B3GLCT: variants seen among roughly 807,000 people sequenced by gnomAD.
B3GLCT encodes beta 3-glucosyltransferase, also known as beta-1,3-glucosyltransferase.
Under a neutral mutation model 63.4 loss-of-function variants are expected in B3GLCT, and 65 were observed. The observed-to-expected ratio is 1.03, with a 90% CI of 0.84 to 1.26. The LOEUF (loss-of-function observed/expected upper bound fraction) is 1.26. Among genes scored for constraint, B3GLCT ranks in the 50% most tolerant of loss-of-function variants. The pLI is 0.00. For synonymous variants in B3GLCT, 233 were observed against 219.2 expected (o/e 1.06, Z -0.55); for missense variants, 577 against 604.8 (o/e 0.95, Z 0.48).
intron 6 of B3GLCT, among the ~76,000 whole-genome samples, chr13:31,256,395 G>A (rs1163246251): frequency 6.6e-6 from 1 of 151,674 alleles, no homozygotes; most frequent in Non-Finnish European, 1.5e-5. Flanking sequence ...CTAGAAATAC[G>A]ATTTGACCCA....
At chr13:31,279,070 T>G (rs971617500) in intron 10 of B3GLCT, among the ~76,000 whole-genome samples, 1 of 152,180 alleles carries the variant, frequency 6.6e-6, no homozygotes, top group African/African-American at 2.4e-5. Context: ...ATAAATAGTC[T>G]TTGCTATTCA....
At chr13:31,262,456 A>AGAGGAGTGAAGACAAGAAG (rs1872085845) in intron 7 of B3GLCT, among the ~76,000 whole-genome samples, 1 of 152,234 alleles carries the variant, frequency 6.6e-6, no homozygotes, top group African/African-American at 2.4e-5. Flanking sequence ...TCAAGGAGGA[A>AGAGGAGTGAAGACAAGAAG]GAGGAGTGAA....
rs144996534 is a variant in B3GLCT at position 31,259,396 on chromosome 13, G to T, written c.460-1550G>T. Among the ~76,000 whole-genome samples, 13 of 152,032 alleles carry T rather than the reference G, an allele frequency of 8.6e-5. No homozygotes were observed. The East Asian group carries it at 2.5e-3, about 30-fold the overall frequency. Reference sequence around the variant, plus strand: ...TCTTCTGGGTTGTAGATGTTGTTTGGGTACGTCTATTCATAGACTGCCCTT... The same window carrying T: ...TCTTCTGGGTTGTAGATGTTGTTTGTGTACGTCTATTCATAGACTGCCCTT... On this transcript the variant is annotated intron_variant, in intron 6 of 14. Coordinates refer to ENST00000343307, the MANE Select transcript of B3GLCT (RefSeq NM_194318.4).
At chr13:31,240,835 T>C (rs1043248511) in intron 4 of B3GLCT, among the ~76,000 whole-genome samples, 3 of 152,242 alleles carry the variant, frequency 2.0e-5, no homozygotes, top group Non-Finnish European at 4.4e-5. Context: ...ATTGCATTGC[T>C]GTTGAATGCA....
At chr13:31,213,640 A>C in intron 1 of B3GLCT, among the ~76,000 whole-genome samples, 6 of 21,710 alleles carry the variant, frequency 2.8e-4, no homozygotes, top group Admixed American at 7.6e-4. Flanking sequence ...CCCCGCCAAA[A>C]CTCACTATAA....
chr13:31,296,405 G>C (rs1593304399), intron 12 of B3GLCT, among the ~76,000 whole-genome samples: 1 of 152,218 alleles, frequency 6.6e-6, no homozygotes, highest in Admixed American at 6.5e-5. Flanking sequence ...CTGACTTCTT[G>C]TATCTTCAAA....
chr13:31,298,022 A>AT (rs1346126449), intron 12 of B3GLCT, among the ~76,000 whole-genome samples: 1 of 152,132 alleles, frequency 6.6e-6, no homozygotes, highest in Admixed American at 6.5e-5. Flanking sequence ...GCCACGATTG[A>AT]TTAAACCATT....
chr13:31,261,869 C>G (rs1872047757), intron 7 of B3GLCT, among the ~76,000 whole-genome samples: 1 of 152,202 alleles, frequency 6.6e-6, no homozygotes, highest in Admixed American at 6.5e-5. Flanking sequence ...AACTTCTTGA[C>G]TACTCCTTTC....
chr13:31,238,559 C>G (rs746488563), intron 4 of B3GLCT, among the ~76,000 whole-genome samples: 2 of 152,160 alleles, frequency 1.3e-5, no homozygotes, highest in African/African-American at 2.4e-5. Context: ...TAGTAGAATG[C>G]GTATTCTCGT....
intron 12 of B3GLCT, among the ~76,000 whole-genome samples, chr13:31,309,797 C>T (rs1338792843): frequency 1.3e-5 from 2 of 152,128 alleles, no homozygotes; most frequent in African/African-American, 2.4e-5. Flanking sequence ...TGATTGACAA[C>T]CATTTAAAAA....
At chr13:31,257,535 G>A (rs1871804025) in intron 6 of B3GLCT, among the ~76,000 whole-genome samples, 1 of 152,014 alleles carries the variant, frequency 6.6e-6, no homozygotes, top group Non-Finnish European at 1.5e-5. Flanking sequence ...AATGTTAGAT[G>A]TAAAAGTTAA....
intron 1 of B3GLCT, among the ~76,000 whole-genome samples, chr13:31,205,741 T>G (rs1306049125): frequency 6.6e-6 from 1 of 152,192 alleles, no homozygotes; most frequent in South Asian, 2.1e-4. Context: ...CAGAATAAAT[T>G]CATTTAAGCA....
At chr13:31,240,900 C>T (rs1474964996) in intron 4 of B3GLCT, among the ~76,000 whole-genome samples, 2 of 152,294 alleles carry the variant, frequency 1.3e-5, no homozygotes, top group East Asian at 1.9e-4. Flanking sequence ...CTTTGGGCAG[C>T]GGCCTGGATA....
At position 31,329,497 on chromosome 13, in the gene B3GLCT, G is replaced by T; in HGVS notation, c.1330-4G>T. On this transcript the variant is annotated splice_region_variant and splice_polypyrimidine_tract_variant and intron_variant, in intron 14 of 14. Coordinates refer to ENST00000343307, the MANE Select transcript of B3GLCT (RefSeq NM_194318.4). ...GGAAGCCTAACTCTCTATTTTTCCT[G>T]CAGGCTCGGCCGGTGGATTACCCTA... The T allele has an allele frequency of 6.2e-7, 1 of 1,614,138 alleles. No homozygotes were observed.
chr13:31,261,110 G>A (rs767733375), intron 7 of B3GLCT, 28 bp downstream of exon 7: 2 of 1,594,592 alleles, frequency 1.3e-6, no homozygotes, highest in South Asian at 2.2e-5. Flanking sequence ...TTTTTTCGGG[G>A]GGCGGGAGGG....
intron 2 of B3GLCT, among the ~76,000 whole-genome samples, chr13:31,218,477 C>T (rs1345498151): frequency 3.3e-5 from 5 of 152,148 alleles, no homozygotes; most frequent in East Asian, 3.8e-4. Flanking sequence ...TGAGCCACCA[C>T]GCCGGGCCTT....
rs115465950 is a variant in B3GLCT at position 31,326,931 on chromosome 13, T to G, written c.1330-2570T>G. Among the ~76,000 whole-genome samples the G allele has an allele frequency of 5.0e-3, 764 of 152,226 alleles. 8 individuals are homozygous for G. Among genetic ancestry groups the G allele is most frequent in the African/African-American group, 0.018 (734 of 41,542 alleles). On this transcript the variant is annotated intron_variant, in intron 14 of 14. Transcript: ENST00000343307. Reference sequence around the variant, plus strand: ...ACTTCTAGAATCTGCATTAATAGAGTGGAAAATGTTATGGTTTATTTTTTT... The same window carrying G: ...ACTTCTAGAATCTGCATTAATAGAGGGGAAAATGTTATGGTTTATTTTTTT...
chr13:31,289,627 A>G (rs1304044457), intron 12 of B3GLCT, among the ~76,000 whole-genome samples: 1 of 152,180 alleles, frequency 6.6e-6, no homozygotes, highest in African/African-American at 2.4e-5. Context: ...AAGAAAAAAA[A>G]AAAGCTGTGA....
chr13:31,319,557 A>C (rs1437080710), intron 13 of B3GLCT, among the ~76,000 whole-genome samples: 1 of 152,000 alleles, frequency 6.6e-6, no homozygotes, highest in Non-Finnish European at 1.5e-5. Context: ...GCGCCATCCT[A>C]TCCTTGTTCA....
Sources: gnomAD v4.1 joint callset for allele counts (sites outside exome capture counted in the v4.1 genomes callset) on GRCh38, gnomAD v4.1.1 for gene constraint, MANE v1.5 for transcripts, NCBI Gene and HGNC (gene_info 2026-07-23, HGNC 2026-07-21) for gene names.